The following STAG2 variants were observed in gnomAD, a reference collection of about 807,000 sequenced individuals.
The protein encoded by STAG2 is STAG2 cohesin complex component.
Under a neutral mutation model 108.1 loss-of-function variants are expected in STAG2, and 14 were observed. The ratio of observed to expected loss-of-function variants is 0.13; its 90% CI spans 0.09 to 0.20. STAG2 has a LOEUF of 0.20. Ranked by LOEUF, STAG2 falls within the 10% of genes least tolerant of loss-of-function variation. The probability of loss-of-function intolerance (pLI) is 1.00; values close to 1 mark genes in which losing one functional copy is unlikely to be tolerated. For missense variants in STAG2, 440 were observed against 940.9 expected (o/e 0.47, Z 6.96); for synonymous variants, 307 against 302.7 (o/e 1.01, Z -0.15).
rs779220485 is a variant in STAG2 at position 123,998,613 on chromosome X, T to G, written c.-162-22754T>G. On this transcript the variant is annotated intron_variant, in intron 1 of 34. Coordinates refer to ENST00000371145, the MANE Select transcript of STAG2 (RefSeq NM_001042750.2). ...ATCTATCTATCTATCTATCTATCTA[T>G]CTATCTATCTATCTATCTATCTAAC... Among the ~76,000 whole-genome samples the G allele has an allele frequency of 6.5e-3, 705 of 108,114 alleles. 4 individuals carry two copies. The highest frequency in any genetic ancestry group is 0.022 in the African/African-American group (666 of 29,699). 93.9% of individuals were successfully genotyped at this position (108,114 alleles called of 115,157 possible). A position where few individuals can be genotyped will look rare whatever the true frequency, so the allele number is the denominator to read the frequency against.
intron 13 of STAG2, among the ~76,000 whole-genome samples, chrX:124,055,844 T>G (rs1028010282): frequency 1.8e-5 from 2 of 112,226 alleles, no homozygotes; most frequent in Non-Finnish European, 3.8e-5. Flanking sequence ...TCTATATGGG[T>G]TTTCATTATT....
chrX:123,961,322 C>T (rs1398584595), upstream of STAG2: 1 of 108,597 alleles, frequency 9.2e-6, no homozygotes, highest in Non-Finnish European at 1.9e-5. Flanking sequence ...ATGGGTGGCC[C>T]AAAATGGAGA....
intron 5 of STAG2, among the ~76,000 whole-genome samples, chrX:124,033,600 A>T (rs2057412098): frequency 9.0e-6 from 1 of 111,006 alleles, no homozygotes; most frequent in African/African-American, 3.3e-5. Context: ...AGTCTCTACT[A>T]AAAATAAAAA....
At chrX:124,052,473 C>A (rs1481271335) in intron 13 of STAG2, among the ~76,000 whole-genome samples, 1 of 112,445 alleles carries the variant, frequency 8.9e-6, no homozygotes, top group African/African-American at 3.2e-5. Flanking sequence ...GGCATAATTT[C>A]TTCAAGTTTC....
chrX:124,088,612 A>C (rs1453494848), intron 30 of STAG2, among the ~76,000 whole-genome samples: 1 of 84,047 alleles, frequency 1.2e-5, no homozygotes, highest in Non-Finnish European at 2.4e-5. Context: ...AAATATGTAT[A>C]ATCTTTTTTT....
At chrX:123,994,093 C>T (rs773769684) in intron 1 of STAG2, among the ~76,000 whole-genome samples, 1 of 111,613 alleles carries the variant, frequency 9.0e-6, no homozygotes, top group Non-Finnish European at 1.9e-5. Context: ...AGCATTGCAC[C>T]ATATCTACTT....
chrX:124,026,819 T>C (rs2057117695), intron 4 of STAG2: 2 of 114,977 alleles, frequency 1.7e-5, no homozygotes, highest in African/African-American at 6.4e-5. Context: ...AACTCAATGG[T>C]ATGTTGTCAA....
chrX:124,030,145 A>G (rs187068492), intron 4 of STAG2, among the ~76,000 whole-genome samples: 101 of 111,860 alleles, frequency 9.0e-4, no homozygotes, highest in Non-Finnish European at 1.5e-3. Flanking sequence ...GATTTCTAAG[A>G]CTAACAATAC....
intron 13 of STAG2, among the ~76,000 whole-genome samples, chrX:124,054,161 G>A (rs898654495): frequency 8.9e-6 from 1 of 112,467 alleles, no homozygotes; most frequent in African/African-American, 3.2e-5. Context: ...AAATGCTCAT[G>A]TTCTCTAACA....
intron 1 of STAG2, among the ~76,000 whole-genome samples, chrX:123,973,025 G>T (rs2054440265): frequency 9.3e-6 from 1 of 107,459 alleles, no homozygotes; most frequent in South Asian, 4.2e-4. Flanking sequence ...CTCCAGCCTG[G>T]GTGATAGAGT....
At chrX:123,978,133 G>A (rs1379757896) in intron 1 of STAG2, among the ~76,000 whole-genome samples, 1 of 106,308 alleles carries the variant, frequency 9.4e-6, no homozygotes, top group Non-Finnish European at 1.9e-5. Flanking sequence ...GTGAACCACC[G>A]TGCCTGGCCA....
intron 19 of STAG2, 98 bp from the exon 20 acceptor site, chrX:124,063,750 T>C (rs747750322): frequency 1.5e-6 from 1 of 649,924 alleles, no homozygotes; most frequent in Non-Finnish European, 2.4e-6. Context: ...GTAGACTTAC[T>C]GTATTTGAAA....
intron 1 of STAG2, among the ~76,000 whole-genome samples, chrX:124,017,901 G>A (rs1025254097): frequency 3.6e-5 from 4 of 111,779 alleles, no homozygotes; most frequent in African/African-American, 1.3e-4. Flanking sequence ...TAGAAATAAC[G>A]CGATCATCTG....
At chrX:124,014,788 A>G (rs1602842127) in intron 1 of STAG2, among the ~76,000 whole-genome samples, 1 of 110,559 alleles carries the variant, frequency 9.0e-6, no homozygotes, top group East Asian at 2.8e-4. Context: ...TGGTTTACCT[A>G]TTCCTGTACC....
chrX:124,077,773 G>A (rs922152895), intron 26 of STAG2, among the ~76,000 whole-genome samples, 184 bp from the exon 27 acceptor site: 3 of 111,701 alleles, frequency 2.7e-5, no homozygotes, highest in Non-Finnish European at 5.6e-5. Flanking sequence ...TGATTTTACT[G>A]AAGTTAGGGA....
chrX:124,019,238 T>C (rs755996645), intron 1 of STAG2, among the ~76,000 whole-genome samples: 10 of 108,766 alleles, frequency 9.2e-5, no homozygotes, highest in Non-Finnish European at 1.9e-4. Context: ...TTTTTTGTAT[T>C]TTTAGTAGAG....
chrX:123,997,726 C>T (rs1171444645), intron 1 of STAG2, among the ~76,000 whole-genome samples: 1 of 111,996 alleles, frequency 8.9e-6, no homozygotes, highest in African/African-American at 3.2e-5. Context: ...CAACCTCCTC[C>T]GCCTCCCAGG....
rs889512369 is a variant in STAG2, at chrX:124,100,896, AAAC to A, written c.*302_*304del. 20 of 216,872 alleles carry A rather than the reference AAAC, an allele frequency of 9.2e-5. No individual in the cohort carries two copies. The highest frequency in any genetic ancestry group is 1.6e-4 in the Non-Finnish European group (20 of 121,509). 17.9% of individuals were successfully genotyped at this position (216,872 alleles called of 1,213,427 possible). On this transcript the variant is annotated 3_prime_UTR_variant, in exon 35 of 35. Coordinates refer to ENST00000371145, the MANE Select transcript of STAG2 (RefSeq NM_001042750.2). ...CATGCTTTTTTTTAAAAAAAAAAAA[AAAC>A]AAAATAACAATCTGAAGAGGCATTT...
At chrX:124,045,112 A>G (rs1055790127) in intron 7 of STAG2, 52 bp from the exon 8 acceptor site, 1 of 1,037,905 alleles carries the variant, frequency 9.6e-7, no homozygotes, top group Admixed American at 2.2e-5. Flanking sequence ...AGCAAGTGAT[A>G]TGTTAAGTCA....
Sources: gnomAD v4.1 joint callset for allele counts (sites outside exome capture counted in the v4.1 genomes callset) on GRCh38, gnomAD v4.1.1 for gene constraint, MANE v1.5 for transcripts, NCBI Gene and HGNC (gene_info 2026-07-23, HGNC 2026-07-21) for gene names.